The following SAG variants were observed in gnomAD, a reference collection of about 807,000 sequenced individuals.
SAG encodes the protein S-antigen visual arrestin.
SAG carries 45 observed loss-of-function variants against 55.0 expected under a neutral mutation model. The ratio of observed to expected loss-of-function variants is 0.82; its 90% confidence interval spans 0.64 to 1.05. The LOEUF is 1.05. Among genes scored for constraint, SAG ranks in the 50% least tolerant of loss-of-function variants. The pLI is 0.00. For missense variants in SAG, 455 were observed against 512.1 expected (o/e 0.89, Z 1.08); for synonymous variants, 189 against 197.4 (o/e 0.96, Z 0.36).
intron 9 of SAG, among the ~76,000 whole-genome samples, chr2:233,330,509 C>CT (rs1223424272): frequency 6.8e-6 from 1 of 147,978 alleles, no homozygotes; most frequent in Non-Finnish European, 1.5e-5. Context: ...TCCTTCCTTC[C>CT]TTCCTTCCTT....
chr2:233,323,093 C>A, intron 6 of SAG, 88 bp downstream of exon 6: 1 of 855,234 alleles, frequency 1.2e-6, no homozygotes, highest in Non-Finnish European at 1.9e-6. Context: ...GGGTTTTACT[C>A]TGTCACCAAT....
chr2:233,334,818 C>G, intron 10 of SAG, 144 bp from the exon 11 acceptor site: 1 of 878,520 alleles, frequency 1.1e-6, no homozygotes, highest in Admixed American at 2.4e-5. Context: ...TCTCGTAAGT[C>G]AAGTTCCCAG....
rs373814456 is a variant in SAG at position 233,329,572 on chromosome 2, C to T, written c.728C>T (p.Ala243Val). 1.9e-5 allele frequency: 31 copies of T among 1,603,940 alleles called. No individual in the cohort carries two copies. In the African/African-American group the frequency reaches 4.0e-4, roughly 21 times the overall value. The change falls in exon 9 of 16, where the codon GCA becomes GTA. Residue 243 changes from alanine (A) to valine (V), a missense_variant. Coordinates refer to ENST00000409110, the MANE Select transcript of SAG (RefSeq NM_000541.5). Reference sequence around the variant, plus strand: ...GAGAAGACCGTGAAGAAGATTAAAGCATTCGGTAGGACCTTCTTCTCAGAA... The same window carrying T: ...GAGAAGACCGTGAAGAAGATTAAAGTATTCGGTAGGACCTTCTTCTCAGAA... ...NTEKTVKKIKAFVEQVANVVL... is the reference protein window; with the variant it reads ...NTEKTVKKIKVFVEQVANVVL...
At position 233,335,156 on chromosome 2, in the gene SAG, CT is replaced by C. The variant is rs1258038448; in HGVS notation, c.944+59del. On this transcript the variant is annotated intron_variant, in intron 11 of 15. Coordinates refer to ENST00000409110, the MANE Select transcript of SAG (RefSeq NM_000541.5). ...GGCAGGGCGGGCTGGTGCTGGTCTG[CT>C]TCCCTTCACATCACCCTGCTGGGCT... The C allele has an allele frequency of 1.8e-4, 290 of 1,569,106 alleles. 2 individuals carry two copies. The highest frequency in any genetic ancestry group is 2.5e-5 in the Non-Finnish European group (29 of 1,153,978).
At chr2:233,308,949 A>G (rs963980273) in intron 1 of SAG, among the ~76,000 whole-genome samples, 1 of 152,242 alleles carries the variant, frequency 6.6e-6, no homozygotes, top group Non-Finnish European at 1.5e-5. Flanking sequence ...ACCAAGAAAA[A>G]TAAAATATTG....
chr2:233,338,897 G>A (rs750106990), intron 12 of SAG, 144 bp downstream of exon 12: 17 of 747,356 alleles, frequency 2.3e-5, no homozygotes, highest in South Asian at 2.2e-4. Context: ...GCTTGGGAGA[G>A]ATTCTGTTTG....
intron 11 of SAG, among the ~76,000 whole-genome samples, chr2:233,338,359 G>A (rs907284520): frequency 2.6e-5 from 4 of 152,260 alleles, no homozygotes; most frequent in African/African-American, 9.6e-5. Flanking sequence ...GTTTTGGCAA[G>A]TGGTAGGAGG....
intron 3 of SAG, 58 bp from the exon 4 acceptor site, chr2:233,318,693 G>T (rs563673542): frequency 2.5e-5 from 35 of 1,399,228 alleles, no homozygotes; most frequent in Non-Finnish European, 3.3e-5. Flanking sequence ...TTTTAAAGTA[G>T]GTGTCTGGTT....
rs1559447503 is a variant in SAG, at chr2:233,331,746, G to GT, written c.806+35dup. On this transcript the variant is annotated intron_variant, in intron 10 of 15. Transcript: ENST00000409110. ...CTGTTGGGGTTTCCGTTTCCTGGGC[G>GT]TCTCAGCCTTCTGTGTCAAGTTTCT... 16 of 1,490,562 alleles carry GT rather than the reference G, an allele frequency of 1.1e-5. No individual in the cohort carries two copies. In the East Asian group the frequency reaches 3.6e-4, roughly 34 times the overall value. 92.3% of individuals were successfully genotyped at this position (1,490,562 alleles called of 1,614,324 possible).
chr2:233,346,528 G>A (rs976584317), intron 15 of SAG, 116 bp downstream of exon 15: 51 of 1,145,296 alleles, frequency 4.5e-5, no homozygotes, highest in Non-Finnish European at 6.5e-5. Context: ...GCCGGCTCAG[G>A]AGGCACATCC....
intron 13 of SAG, 143 bp from the exon 14 acceptor site, chr2:233,342,123 CAAAAA>C: frequency 2.6e-5 from 12 of 464,970 alleles, no homozygotes; most frequent in South Asian, 6.9e-5. Flanking sequence ...GACTCCATCT[CAAAAA>C]AAAAAAAAAA....
Position 233,340,583 on chromosome 2 carries a change from G to T in SAG, c.1046+105G>T. 1.2e-6 allele frequency: 1 copy of T among 848,068 alleles called. No homozygotes were observed. 52.5% of individuals were successfully genotyped at this position (848,068 alleles called of 1,614,324 possible). On this transcript the variant is annotated intron_variant, in intron 13 of 15. Transcript: ENST00000409110. This position sits in a 1 kb window ranked among gnomAD's most constrained non-coding sequence, Gnocchi z 4.2. The stretch of plus-strand genomic sequence containing the variant: ...GATGAAAGCTGCTTTCTGGACAGTT[G>T]TGCTCAGAGGTGTTAGGAATGATGC...
rs753617047 is a variant in SAG, at chr2:233,331,685, T to G, written c.779T>G (p.Val260Gly). 1.2e-6 allele frequency: 2 copies of G among 1,613,680 alleles called. No individual in the cohort carries two copies. Among genetic ancestry groups the G allele is most frequent in the East Asian group, 4.5e-5 (2 of 44,886 alleles). ...NVVLYSSDYY[V>G]KPVAMEEAQE... ...GTTCTCTACTCGAGTGATTATTACG[T>G]CAAGCCCGTGGCTATGGAGGAAGCG... The change falls in exon 10 of 16, where the codon GTC becomes GGC. Residue 260 changes from valine (V) to glycine (G), a missense_variant. Coordinates refer to ENST00000409110, the MANE Select transcript of SAG (RefSeq NM_000541.5).
Position 233,342,259 on chromosome 2 carries a change from CT to C in SAG, c.1047-5del, listed in dbSNP as rs779561506. 70 of 1,596,610 alleles carry C rather than the reference CT, an allele frequency of 4.4e-5. No individual in the cohort carries two copies. In the South Asian group the frequency reaches 6.9e-4, roughly 16 times the overall value. ...ATGGGTGTTCACACCAATCTTCATT[CT>C]TTTTTTCTAGTGAAGTCGCCACTGA... On this transcript the variant is annotated splice_polypyrimidine_tract_variant and intron_variant, in intron 13 of 15. Transcript: ENST00000409110.
At position 233,320,649 on chromosome 2, in the gene SAG, C is replaced by G. The variant is rs72976383; in HGVS notation, c.201C>G (p.Cys67Trp). The G allele has an allele frequency of 1.9e-6, 3 of 1,600,362 alleles. No individual in the cohort carries two copies. The highest frequency in any genetic ancestry group is 2.3e-5 in the South Asian group (2 of 88,474). The change falls in exon 5 of 16, where the codon TGC (cysteine) becomes TGG (tryptophan). Residue 67 changes from cysteine to tryptophan, a missense_variant. Physicochemically the swap from Cys to Trp is radical, Grantham distance 215 (BLOSUM62 -2). Transcript: ENST00000409110. ...KGKKVYVTLT[C>W]AFRYGQEDID... ...TTGCAGTGTATGTCACTCTGACCTG[C>G]GCCTTCCGCTATGGCCAAGAGGACA...
At chr2:233,332,680 A>ATTTTT (rs1179113578) in intron 10 of SAG, 1 of 63,478 alleles carries the variant, frequency 1.6e-5, no homozygotes. Context: ...TTTTTTTTTG[A>ATTTTT]GACGGAGTTT....
chr2:233,316,239 G>C, intron 3 of SAG, 104 bp downstream of exon 3: 2 of 654,690 alleles, frequency 3.1e-6, no homozygotes, highest in East Asian at 3.1e-5. Context: ...TCTAAATAAA[G>C]ACATGCAAAT....
chr2:233,342,495 C>T, intron 14 of SAG, 169 bp downstream of exon 14: 2 of 647,218 alleles, frequency 3.1e-6, no homozygotes, highest in Non-Finnish European at 5.6e-6. Context: ...GAGGGCCCAT[C>T]TGTTCAGCGC....
Position 233,328,502 on chromosome 2 carries a change from C to G in SAG, c.537C>G (p.Arg179=). ...GGAGCTCCGTGCGATTACTGATCCG[C>G]AAAGTACAGCATGCCCCACTTGAGA... ...PKKSSVRLLI[R]KVQHAPLEMG... is the part of the protein sequence containing the mutation. Residue 179 remains arginine (R), a synonymous_variant, in exon 8 of 16, where the codon CGC becomes CGG. Transcript: ENST00000409110. 1.2e-6 allele frequency: 2 copies of G among 1,613,878 alleles called. No homozygotes were observed. Among genetic ancestry groups the G allele is most frequent in the South Asian group, 1.1e-5 (1 of 91,078 alleles).
Sources: allele counts gnomAD v4.1 joint callset (sites outside exome capture counted in the v4.1 genomes callset), GRCh38; gene constraint gnomAD v4.1.1; non-coding constraint Gnocchi (gnomAD v3.1); transcripts MANE v1.5; gene names NCBI Gene and HGNC (gene_info 2026-07-23, HGNC 2026-07-21).